Variants in AKR1D1 observed in about 807,000 individuals in gnomAD.
AKR1D1 encodes delta(4)-3-ketosteroid 5-beta-reductase.
A neutral mutation model predicts 42.6 loss-of-function variants in AKR1D1; 32 were observed. The observed-to-expected ratio is 0.75, with a 90% confidence interval of 0.57 to 1.01. The LOEUF is 1.01. Among genes scored for constraint, AKR1D1 ranks in the 50% least tolerant of loss-of-function variants. The pLI, the probability that AKR1D1 is intolerant of heterozygous loss-of-function variation, is 0.00. For missense variants in AKR1D1, 364 were observed against 402.2 expected (o/e 0.91, Z 0.81); for synonymous variants, 123 against 135.5 (o/e 0.91, Z 0.64).
At chr7:138,085,698 G>A (rs1803160473) in intron 1 of AKR1D1, among the ~76,000 whole-genome samples, 1 of 152,058 alleles carries the variant, frequency 6.6e-6, no homozygotes, top group Non-Finnish European at 1.5e-5. Flanking sequence ...TGCCCCGCCT[G>A]GGCCTCCGAA....
At chr7:138,098,742 T>C (rs968280812) in intron 4 of AKR1D1, among the ~76,000 whole-genome samples, 13 of 152,008 alleles carry the variant, frequency 8.6e-5, no homozygotes, top group African/African-American at 2.9e-4. Context: ...TATGGATTCG[T>C]GGTGGGGAGG....
Position 138,106,657 on chromosome 7 carries a change from A to AACAACATG in AKR1D1, c.633_640dup (p.Ile214AsnfsTer21). 1 of 1,614,166 alleles carries AACAACATG rather than the reference A, an allele frequency of 6.2e-7. No homozygotes were observed. Among genetic ancestry groups the AACAACATG allele is most frequent in the Non-Finnish European group, 8.5e-7 (1 of 1,179,996 alleles). ...CAGCCAAAACTCTTGAAATTTTGCC[A>AACAACATG]ACAACATGACATTGTCATTACTGCA... On this transcript the variant is annotated frameshift_variant, in exon 6 of 9. Coordinates refer to ENST00000242375, the MANE Select transcript of AKR1D1 (RefSeq NM_005989.4). LOFTEE classifies it high-confidence loss of function.
chr7:138,098,046 A>G (rs901753036), intron 4 of AKR1D1, 103 bp downstream of exon 4: 7 of 934,232 alleles, frequency 7.5e-6, no homozygotes, highest in Admixed American at 5.1e-5. Flanking sequence ...TTTACTTTCA[A>G]TGAAAAGTAA....
At chr7:138,095,951 AG>A (rs1794175318) in intron 3 of AKR1D1, among the ~76,000 whole-genome samples, 1 of 151,604 alleles carries the variant, frequency 6.6e-6, no homozygotes, top group African/African-American at 2.4e-5. Context: ...CTGTATTCCC[AG>A]CAATTTGGGA....
chr7:138,095,069 G>T (rs1288525457), intron 3 of AKR1D1, among the ~76,000 whole-genome samples: 1 of 152,120 alleles, frequency 6.6e-6, no homozygotes, highest in Admixed American at 6.5e-5. Context: ...AGACAAAGAG[G>T]CTTATCGGGA....
chr7:138,094,426 G>A (rs1054508828), intron 3 of AKR1D1, among the ~76,000 whole-genome samples: 2 of 152,120 alleles, frequency 1.3e-5, no homozygotes, highest in Non-Finnish European at 2.9e-5. Flanking sequence ...AAGGTGGGAG[G>A]ATCACTTGAG....
At chr7:138,104,606 C>A (rs10085803) in intron 4 of AKR1D1, among the ~76,000 whole-genome samples, 1 of 148,672 alleles carries the variant, frequency 6.7e-6, no homozygotes, top group Non-Finnish European at 1.5e-5. Flanking sequence ...CTTGAACCTG[C>A]GAGACAGAGT....
chr7:138,078,314 CAAAG>C (rs1802984573), intron 1 of AKR1D1, among the ~76,000 whole-genome samples: 1 of 151,992 alleles, frequency 6.6e-6, no homozygotes, highest in Admixed American at 6.6e-5. Context: ...AGTTTAGAAG[CAAAG>C]AAAGAGCATC....
intron 6 of AKR1D1, among the ~76,000 whole-genome samples, chr7:138,106,942 A>C (rs1227928758): frequency 1.3e-5 from 2 of 152,366 alleles, no homozygotes; most frequent in Middle Eastern, 3.4e-3. Context: ...AGGAATGCTC[A>C]GTAAAAGTTA....
intron 7 of AKR1D1, among the ~76,000 whole-genome samples, chr7:138,111,634 T>C (rs1047366963): frequency 1.3e-4 from 20 of 151,986 alleles, no homozygotes; most frequent in Non-Finnish European, 2.2e-4. Context: ...ATTTGTGCCA[T>C]GGGAGAAAAA....
intron 7 of AKR1D1, among the ~76,000 whole-genome samples, chr7:138,109,840 A>G (rs1029342472): frequency 2.0e-5 from 3 of 152,210 alleles, no homozygotes; most frequent in African/African-American, 4.8e-5. Flanking sequence ...TTCAAAAATT[A>G]TAGGAGTGTT....
rs541297474 is a variant in AKR1D1 at position 138,110,835 on chromosome 7, G to A, written c.856-2855G>A. On this transcript the variant is annotated intron_variant, in intron 7 of 8. Transcript: ENST00000242375. ...ATGAAGAAAGCTAATACGGAGCCAG[G>A]ATATTTTAAAAGTTAAAATTTTAAA... Among the ~76,000 whole-genome samples the A allele has an allele frequency of 2.0e-5, 3 of 152,144 alleles. No individual in the cohort carries two copies. In the South Asian group the frequency reaches 6.2e-4, roughly 32 times the overall value.
At chr7:138,084,448 G>C in intron 1 of AKR1D1, among the ~76,000 whole-genome samples, 1 of 151,632 alleles carries the variant, frequency 6.6e-6, no homozygotes, top group South Asian at 2.1e-4. Flanking sequence ...CAAACTCCTG[G>C]GCTCAAGCGA....
chr7:138,084,067 T>C (rs1478924740), intron 1 of AKR1D1, among the ~76,000 whole-genome samples: 2 of 152,150 alleles, frequency 1.3e-5, no homozygotes, highest in East Asian at 3.9e-4. Flanking sequence ...TCCGGCTACA[T>C]AGGTTATGAA....
chr7:138,084,741 T>C (rs2117419798), intron 1 of AKR1D1, among the ~76,000 whole-genome samples: 1 of 152,256 alleles, frequency 6.6e-6, no homozygotes, highest in South Asian at 2.1e-4. Context: ...TTATGTAGAA[T>C]TTTTTTGTGC....
chr7:138,105,508 T>A lies in AKR1D1; in HGVS notation c.579+79T>A, dbSNP rs1169234673. The A allele has an allele frequency of 3.2e-6, 5 of 1,582,920 alleles. No homozygotes were observed. The Admixed American group carries it at 8.4e-5, about 26-fold the overall frequency. On this transcript the variant is annotated intron_variant, in intron 5 of 8. Coordinates refer to ENST00000242375, the MANE Select transcript of AKR1D1 (RefSeq NM_005989.4). Reference sequence around the variant, plus strand: ...GACACAAAGAAGCCTCAGCTGGGAGTCAGGAAGGCTCATGATTGCTCCACC... The same window carrying A: ...GACACAAAGAAGCCTCAGCTGGGAGACAGGAAGGCTCATGATTGCTCCACC...
intron 7 of AKR1D1, among the ~76,000 whole-genome samples, chr7:138,111,165 CT>C (rs1794529403): frequency 6.6e-6 from 1 of 152,186 alleles, no homozygotes; most frequent in South Asian, 2.1e-4. Context: ...ATCCCCCTCT[CT>C]TTCCTACACT....
chr7:138,081,188 G>GTC (rs1172978484), intron 1 of AKR1D1, among the ~76,000 whole-genome samples: 4 of 152,180 alleles, frequency 2.6e-5, no homozygotes, highest in African/African-American at 9.7e-5. Context: ...TTTCTGGAAT[G>GTC]TCTACTTCAT....
chr7:138,095,819 C>T (rs1352982015), intron 3 of AKR1D1, among the ~76,000 whole-genome samples: 1 of 151,568 alleles, frequency 6.6e-6, no homozygotes, highest in African/African-American at 2.4e-5. Context: ...AGCCACTGCG[C>T]CTGGCCAAAT....
Sources: allele counts gnomAD v4.1 joint callset (sites outside exome capture counted in the v4.1 genomes callset), GRCh38; gene constraint gnomAD v4.1.1; transcripts MANE v1.5; gene names NCBI Gene and HGNC (gene_info 2026-07-23, HGNC 2026-07-21).